POU2F1: variants seen among roughly 807,000 people sequenced by gnomAD.
POU2F1 encodes POU domain, class 2, transcription factor 1.
Under a neutral mutation model 84.9 loss-of-function variants are expected in POU2F1, and 16 were observed. The ratio of observed to expected loss-of-function variants is 0.19; its 90% CI spans 0.13 to 0.29. POU2F1 has a LOEUF of 0.29. POU2F1 is among the 10% of genes least tolerant of loss of function. The pLI, the probability that POU2F1 is intolerant of heterozygous loss-of-function variation, is 1.00. For missense variants in POU2F1, 738 were observed against 942.6 expected, an observed-to-expected ratio of 0.78 and a Z score of 2.84; for synonymous variants, 368 against 368.3, an observed-to-expected ratio of 1.00 and a Z score of 0.01.
chr1:167,407,888 G>GA (rs905328276), intron 13 of POU2F1, among the ~76,000 whole-genome samples: 11 of 151,148 alleles, frequency 7.3e-5, no homozygotes, highest in African/African-American at 2.2e-4. Context: ...ATCCATAAAA[G>GA]AAAAAAAAAT....
At chr1:167,395,068 C>T (rs1278820343) in intron 9 of POU2F1, among the ~76,000 whole-genome samples, 1 of 152,138 alleles carries the variant, frequency 6.6e-6, no homozygotes, top group Non-Finnish European at 1.5e-5. Context: ...TGTCACTAAA[C>T]TAATTGAAAT....
At chr1:167,279,758 G>A (rs185776699) in intron 1 of POU2F1, among the ~76,000 whole-genome samples, 20 of 152,264 alleles carry the variant, frequency 1.3e-4, no homozygotes, top group African/African-American at 4.8e-4. Context: ...ATATTGATGG[G>A]AGTTGGGTGG....
intron 2 of POU2F1, 54 bp downstream of exon 2, chr1:167,332,589 A>G: frequency 7.0e-7 from 1 of 1,436,840 alleles, no homozygotes; most frequent in Non-Finnish European, 9.8e-7. Context: ...CACAAAGAAG[A>G]AAGTTTCCAT....
intron 1 of POU2F1, among the ~76,000 whole-genome samples, chr1:167,248,401 CCTGAACTTTAAATAGAAAAGGTAG>C (rs1650493357): frequency 4.6e-5 from 7 of 152,150 alleles, no homozygotes; most frequent in Admixed American, 4.6e-4. Context: ...TTAACAGCCC[CCTGAACTTTAAATAGAAAAGGTAG>C]CTCCTATCCT....
At chr1:167,268,981 G>C (rs1287553111) in intron 1 of POU2F1, among the ~76,000 whole-genome samples, 1 of 152,132 alleles carries the variant, frequency 6.6e-6, no homozygotes, top group South Asian at 2.1e-4. Context: ...AACAAGACAG[G>C]CAGGTGGGAA....
chr1:167,422,514 T>TG lies in POU2F1; in HGVS notation c.*6705dup, dbSNP rs1650708667. 6.6e-6 allele frequency: 1 copy of TG among 152,110 alleles called. No individual in the cohort carries two copies. The highest frequency in any genetic ancestry group is 2.1e-4 in the South Asian group (1 of 4,812). The allele number at this position is 152,110 out of a possible 1,614,324, so 9.4% of individuals were successfully genotyped here. A position where few individuals can be genotyped will look rare whatever the true frequency, so the allele number is the denominator to read the frequency against. On this transcript the variant is annotated 3_prime_UTR_variant, in exon 16 of 16. Transcript: ENST00000367866. Reference sequence around the variant, plus strand: ...AGCTAACCTGCCCACCTCACCCCTGTGATACAAAGTGTGAACCTTAAGGAT... The same window carrying TG: ...AGCTAACCTGCCCACCTCACCCCTGTGGATACAAAGTGTGAACCTTAAGGAT...
chr1:167,398,529 G>A (rs3767436), intron 11 of POU2F1, among the ~76,000 whole-genome samples: 93,158 of 151,952 alleles, frequency 0.61, 30,334 homozygotes, highest in East Asian at 0.87. Flanking sequence ...CTAGTAGATT[G>A]GTTGGTTAAA....
At chr1:167,304,165 C>T (rs1242490254) in intron 1 of POU2F1, among the ~76,000 whole-genome samples, 2 of 152,030 alleles carry the variant, frequency 1.3e-5, no homozygotes, top group South Asian at 2.1e-4. Flanking sequence ...TATAAATGTA[C>T]GTGTCTAAGA....
intron 15 of POU2F1, chr1:167,414,570 T>A (rs1428816743): frequency 5.1e-6 from 5 of 985,342 alleles, no homozygotes; most frequent in Non-Finnish European, 6.0e-6. Flanking sequence ...GACAACAGGT[T>A]GAGATACTAA....
Position 167,399,256 on chromosome 1 carries a change from G to A in POU2F1, c.1340G>A (p.Arg447His). ...CTCAATATGGAAAAAGAGGTGATTC[G>A]TGTTTGGTTCTGTAACCGCCGCCAG... ...DQLNMEKEVI[R>H]VWFCNRRQKE... is the part of the protein sequence containing the mutation. The change falls in exon 12 of 16, where the codon CGT (arginine) becomes CAT (histidine). Residue 447 changes from arginine (R) to histidine (H), a missense_variant. By Grantham distance (29) the Arg-to-His change is conservative. Transcript: ENST00000367866. The A allele has an allele frequency of 1.9e-6, 3 of 1,613,970 alleles. No individual in the cohort carries two copies. Among genetic ancestry groups the A allele is most frequent in the Non-Finnish European group, 2.5e-6 (3 of 1,179,966 alleles).
intron 1 of POU2F1, among the ~76,000 whole-genome samples, chr1:167,240,968 C>A (rs1157437632): frequency 6.6e-6 from 1 of 152,034 alleles, no homozygotes; most frequent in African/African-American, 2.4e-5. Flanking sequence ...CATGGAGAGA[C>A]CCCGTCTCTG....
intron 13 of POU2F1, among the ~76,000 whole-genome samples, chr1:167,406,382 G>A (rs1326304254): frequency 2.0e-5 from 3 of 152,158 alleles, no homozygotes; most frequent in Non-Finnish European, 4.4e-5. Context: ...CTGATAAAGA[G>A]CACTTACTAA....
chr1:167,392,956 GT>G (rs1648531690), intron 9 of POU2F1, among the ~76,000 whole-genome samples: 1 of 152,098 alleles, frequency 6.6e-6, no homozygotes, highest in African/African-American at 2.4e-5. Context: ...TATTCTCTGT[GT>G]AAATATACAC....
intron 1 of POU2F1, among the ~76,000 whole-genome samples, chr1:167,298,603 C>T (rs1263621738): frequency 6.6e-6 from 1 of 151,750 alleles, no homozygotes; most frequent in African/African-American, 2.4e-5. Flanking sequence ...GTTTGTATTT[C>T]GTTTTTTTTA....
chr1:167,318,612 C>T (rs1656087374), intron 1 of POU2F1, among the ~76,000 whole-genome samples: 1 of 152,156 alleles, frequency 6.6e-6, no homozygotes, highest in African/African-American at 2.4e-5. Flanking sequence ...GACCAGAAAG[C>T]ATGTGTAACT....
At chr1:167,401,107 C>T (rs1649172933) in intron 12 of POU2F1, among the ~76,000 whole-genome samples, 1 of 151,946 alleles carries the variant, frequency 6.6e-6, no homozygotes, top group South Asian at 2.1e-4. Context: ...CAATACTGCC[C>T]CCCTACAGAG....
chr1:167,264,629 T>C (rs1040498865), intron 1 of POU2F1, among the ~76,000 whole-genome samples: 2 of 152,324 alleles, frequency 1.3e-5, no homozygotes, highest in Admixed American at 6.5e-5. Flanking sequence ...CCACTTCTTA[T>C]CTCCACAGTC....
intron 2 of POU2F1, among the ~76,000 whole-genome samples, chr1:167,359,038 A>C (rs1659172962): frequency 6.7e-6 from 1 of 150,240 alleles, no homozygotes; most frequent in Admixed American, 6.6e-5. Context: ...TATTGGTCTT[A>C]CCTTTATTAT....
chr1:167,300,699 G>A (rs1377827927), intron 1 of POU2F1, among the ~76,000 whole-genome samples: 1 of 152,024 alleles, frequency 6.6e-6, no homozygotes, highest in Non-Finnish European at 1.5e-5. Context: ...TCTTGACCTC[G>A]TGATCCGCCC....
Sources: gnomAD v4.1 joint callset for allele counts (sites outside exome capture counted in the v4.1 genomes callset) on GRCh38, gnomAD v4.1.1 for gene constraint, MANE v1.5 for transcripts, NCBI Gene and HGNC (gene_info 2026-07-23, HGNC 2026-07-21) for gene names.